The following BIN1 variants were observed in gnomAD, a reference collection of about 807,000 sequenced individuals.
BIN1 encodes the protein myc box-dependent-interacting protein 1.
A neutral mutation model predicts 82.0 loss-of-function variants in BIN1; 53 were observed. That is an observed-to-expected ratio of 0.65 (90% CI 0.52 to 0.81). BIN1 has a LOEUF of 0.81. Among genes scored for constraint, BIN1 ranks in the 40% least tolerant of loss-of-function variants. The probability of loss-of-function intolerance (pLI) is 0.00; values close to 1 mark genes in which losing one functional copy is unlikely to be tolerated. For synonymous variants in BIN1, 302 were observed against 328.0 expected (o/e 0.92, Z 0.86); for missense variants, 642 against 784.4 (o/e 0.82, Z 2.17).
At position 127,093,910 on chromosome 2, in the gene BIN1, TG is replaced by T. The variant is rs1439274552; in HGVS notation, c.84+12949del. 1.3e-5 allele frequency among the ~76,000 whole-genome samples: 2 copies of T among 152,164 alleles called. No homozygotes were observed. Among genetic ancestry groups the T allele is most frequent in the Non-Finnish European group, 2.9e-5 (2 of 68,016 alleles). ...TGGACTCCCTGGACTCCTCCAGTGCTGGGGGCCCCAGGCCTAAACTCAGACA... is the reference window on the plus strand; with the variant it reads ...TGGACTCCCTGGACTCCTCCAGTGCTGGGGCCCCAGGCCTAAACTCAGACA... On this transcript the variant is annotated intron_variant, in intron 1 of 18. Coordinates refer to ENST00000316724, the MANE Select transcript of BIN1 (RefSeq NM_139343.3). This position sits in a 1 kb window ranked among gnomAD's most constrained non-coding sequence, Gnocchi z 5.7.
At chr2:127,091,062 G>A (rs138841545) in intron 1 of BIN1, among the ~76,000 whole-genome samples, 42 of 152,248 alleles carry the variant, frequency 2.8e-4, no homozygotes, top group African/African-American at 9.2e-4. Flanking sequence ...CCATGACACT[G>A]GAACTAGTAA....
In BIN1 at chr2:127,059,976, A is replaced by G. The variant is rs1344534197; in HGVS notation, c.858-821T>C. ...CTCAAAGCAATGAAATTTACGTGTA[A>G]TTCAAATGAAAAGTTCCGCTGCCCG... On this transcript the variant is annotated intron_variant, in intron 10 of 18. Transcript: ENST00000316724. The surrounding 1 kb of genome is among the most constrained non-coding windows in gnomAD (Gnocchi z 6.7). Among the ~76,000 whole-genome samples, 1 of 152,154 alleles carries G rather than the reference A, an allele frequency of 6.6e-6. No individual in the cohort carries two copies. Among genetic ancestry groups the G allele is most frequent in the African/African-American group, 2.4e-5 (1 of 41,436 alleles).
rs779747021 is a variant in BIN1 at position 127,068,577 on chromosome 2, C to A, written c.520-322G>T. ...CCAGCTCTGCACCTACTGGCTCGCT[C>A]CAGCCAGGGACAGGTCGCCTGGGAT... is the stretch of plus-strand genomic sequence containing the variant. On this transcript the variant is annotated intron_variant, in intron 6 of 18. Transcript: ENST00000316724. This position sits in a 1 kb window ranked among gnomAD's most constrained non-coding sequence, Gnocchi z 4.9. Among the ~76,000 whole-genome samples, 12 of 152,218 alleles carry A rather than the reference C, an allele frequency of 7.9e-5. No homozygotes were observed. Among genetic ancestry groups the A allele is most frequent in the Non-Finnish European group, 1.5e-4 (10 of 68,040 alleles).
chr2:127,076,827 A>C, intron 1 of BIN1, 121 bp from the exon 2 acceptor site: 1 of 1,147,102 alleles, frequency 8.7e-7, no homozygotes, highest in Non-Finnish European at 1.3e-6. Context: ...AACATCACCC[A>C]GCCCAGGGTG....
At chr2:127,095,867 C>G (rs1573791225) in intron 1 of BIN1, among the ~76,000 whole-genome samples, 9 of 152,218 alleles carry the variant, frequency 5.9e-5, no homozygotes, top group Admixed American at 5.9e-4. Flanking sequence ...CTCTGCCCCC[C>G]TGAACCTTCC....
Position 127,057,732 on chromosome 2 carries a change from G to C in BIN1, c.1003-131C>G. On this transcript the variant is annotated intron_variant, in intron 11 of 18. Coordinates refer to ENST00000316724, the MANE Select transcript of BIN1 (RefSeq NM_139343.3). The surrounding 1 kb of genome is among the most constrained non-coding windows in gnomAD (Gnocchi z 5.0). Reference sequence around the variant, plus strand: ...ACAGTCCCACCCAGGCCACTGAGCAGGACGCAGCAAATGAAGAGTCACTGC... The same window carrying C: ...ACAGTCCCACCCAGGCCACTGAGCACGACGCAGCAAATGAAGAGTCACTGC... 8.4e-7 allele frequency: 1 copy of C among 1,188,742 alleles called. No individual in the cohort carries two copies. The highest frequency in any genetic ancestry group is 1.1e-6 in the Non-Finnish European group (1 of 904,490). 73.6% of individuals were successfully genotyped at this position (1,188,742 alleles called of 1,614,324 possible). A position where few individuals can be genotyped will look rare whatever the true frequency, so the allele number is the denominator to read the frequency against.
At chr2:127,054,923 A>G (rs75933308) in intron 12 of BIN1, 1,729 of 152,368 alleles carry the variant, frequency 0.011, 17 homozygotes, top group Non-Finnish European at 0.019. Context: ...CTGGGGCAGC[A>G]TCCATGCCCA....
At chr2:127,050,950 G>A (rs1242884776) in intron 16 of BIN1, 38 bp from the exon 17 acceptor site, 1 of 1,600,058 alleles carries the variant, frequency 6.2e-7, no homozygotes, top group Admixed American at 1.7e-5. Context: ...GCAGGGAGGT[G>A]GTCCAGGGAC....
At chr2:127,048,893 C>T (rs979667222) in intron 18 of BIN1, among the ~76,000 whole-genome samples, 3 of 152,214 alleles carry the variant, frequency 2.0e-5, no homozygotes, top group African/African-American at 4.8e-5. Context: ...TTGATGAGTC[C>T]CACTGCATGC....
At chr2:127,083,370 C>G (rs530035207) in intron 1 of BIN1, among the ~76,000 whole-genome samples, 1 of 152,124 alleles carries the variant, frequency 6.6e-6, no homozygotes, top group South Asian at 2.1e-4. Context: ...TACAAGCCAC[C>G]GTGCCCAGTC....
chr2:127,081,291 G>A (rs1160776877), intron 1 of BIN1, among the ~76,000 whole-genome samples: 3 of 152,228 alleles, frequency 2.0e-5, no homozygotes, highest in African/African-American at 7.2e-5. Flanking sequence ...CCTCAGAAGG[G>A]AAGTGTCCTT....
rs761462227 is a variant in BIN1 at position 127,093,193 on chromosome 2, C to T, written c.84+13667G>A. ...CACAAGGCCCTGTCGGGGCTCAGAACACAGCACCCCAAAGTGTGGTGCTGT... is the reference window on the plus strand; with the variant it reads ...CACAAGGCCCTGTCGGGGCTCAGAATACAGCACCCCAAAGTGTGGTGCTGT... On this transcript the variant is annotated intron_variant, in intron 1 of 18. Coordinates refer to ENST00000316724, the MANE Select transcript of BIN1 (RefSeq NM_139343.3). This position sits in a 1 kb window ranked among gnomAD's most constrained non-coding sequence, Gnocchi z 5.7. Among the ~76,000 whole-genome samples the T allele has an allele frequency of 6.6e-6, 1 of 152,190 alleles. No homozygotes were observed. Among genetic ancestry groups the T allele is most frequent in the Non-Finnish European group, 1.5e-5 (1 of 68,032 alleles).
chr2:127,089,039 C>T (rs1245627210), intron 1 of BIN1, among the ~76,000 whole-genome samples: 3 of 152,088 alleles, frequency 2.0e-5, no homozygotes, highest in African/African-American at 2.4e-5. Context: ...ATGCTGAGCC[C>T]TTGGGCATGA....
chr2:127,085,299 G>C (rs752420418), intron 1 of BIN1, among the ~76,000 whole-genome samples: 1 of 152,170 alleles, frequency 6.6e-6, no homozygotes, highest in Non-Finnish European at 1.5e-5. Flanking sequence ...ACTTCTTAGC[G>C]GCTAGCCACC....
intron 14 of BIN1, chr2:127,053,194 AAC>A (rs1190262204): frequency 1.6e-6 from 1 of 635,312 alleles, no homozygotes; most frequent in East Asian, 2.8e-5. Context: ...TCTCAAGCTA[AAC>A]CGAAGATCCC....
At chr2:127,098,220 C>T (rs762709050) in intron 1 of BIN1, among the ~76,000 whole-genome samples, 5 of 152,204 alleles carry the variant, frequency 3.3e-5, no homozygotes, top group Non-Finnish European at 5.9e-5. Flanking sequence ...CAGGAGCCAG[C>T]GGGGATGCCC....
At position 127,059,006 on chromosome 2, in the gene BIN1, C is replaced by T. The variant is rs1479483840; in HGVS notation, c.1002+5G>A. 6.4e-7 allele frequency: 1 copy of T among 1,556,706 alleles called. No individual in the cohort carries two copies. On this transcript the variant is annotated splice_donor_5th_base_variant and intron_variant, in intron 11 of 18. Coordinates refer to ENST00000316724, the MANE Select transcript of BIN1 (RefSeq NM_139343.3). This position sits in a 1 kb window ranked among gnomAD's most constrained non-coding sequence, Gnocchi z 6.7. Reference sequence around the variant, plus strand: ...GGGGACCTGCTACCAAGACATCACTCCTACCTGAGATGGGGACTTGGGGAG... The same window carrying T: ...GGGGACCTGCTACCAAGACATCACTTCTACCTGAGATGGGGACTTGGGGAG...
rs377007043 is a variant in BIN1 at position 127,100,362 on chromosome 2, A to G, written c.84+6498T>C. Among the ~76,000 whole-genome samples the G allele has an allele frequency of 3.9e-5, 6 of 152,320 alleles. No individual in the cohort carries two copies. The East Asian group carries it at 1.2e-3, about 29-fold the overall frequency. ...GGTCTTGGGGACCAAAGTCTGTCAC[A>G]ATGACACTCCTTCACCATCAGGGCT... On this transcript the variant is annotated intron_variant, in intron 1 of 18. Coordinates refer to ENST00000316724, the MANE Select transcript of BIN1 (RefSeq NM_139343.3).
At chr2:127,049,934 G>C (rs1682669251) in intron 18 of BIN1, among the ~76,000 whole-genome samples, 1 of 152,236 alleles carries the variant, frequency 6.6e-6, no homozygotes, top group African/African-American at 2.4e-5. Context: ...CCATGGCCCT[G>C]CGTGCACAGG....
Sources: gnomAD v4.1 joint callset for allele counts (sites outside exome capture counted in the v4.1 genomes callset) on GRCh38, gnomAD v4.1.1 for gene constraint, Gnocchi (gnomAD v3.1) non-coding constraint, MANE v1.5 for transcripts, NCBI Gene and HGNC (gene_info 2026-07-23, HGNC 2026-07-21) for gene names.